Variants in SRSF7 observed in about 807,000 individuals in gnomAD.
SRSF7 encodes serine/arginine-rich splicing factor 7.
SRSF7 carries 15 observed loss-of-function variants against 42.2 expected under a neutral mutation model. That is an observed-to-expected ratio of 0.36 (90% CI 0.24 to 0.55). The LOEUF (loss-of-function observed/expected upper bound fraction) is 0.55. Ranked by LOEUF, SRSF7 falls within the 20% of genes least tolerant of loss-of-function variation. SRSF7 has a pLI of 0.88. For missense variants in SRSF7, 181 were observed against 305.9 expected (o/e 0.59, Z 3.04); for synonymous variants, 138 against 107.9 (o/e 1.28, Z -1.73).
chr2:38,748,232 G>A (rs1014613573), intron 4 of SRSF7, 75 bp from the exon 5 acceptor site: 20 of 1,112,346 alleles, frequency 1.8e-5, no homozygotes, highest in East Asian at 5.0e-5. Flanking sequence ...ACTGGGGAAC[G>A]GTGCAGTGGC....
chr2:38,747,374 T>C (rs1667607892), intron 5 of SRSF7, among the ~76,000 whole-genome samples: 1 of 152,196 alleles, frequency 6.6e-6, no homozygotes, highest in African/African-American at 2.4e-5. Flanking sequence ...CATTTAAAGG[T>C]TTTGTGCTAT....
In SRSF7 at chr2:38,746,156, G is replaced by A; in HGVS notation, c.650C>T (p.Ser217Phe). The change falls in exon 7 of 8, where the codon TCT (serine) becomes TTT (phenylalanine). Residue 217 changes from serine (S) to phenylalanine (F), a missense_variant. Physicochemically the swap from Ser to Phe is radical, Grantham distance 155. Around this residue, in one of 2 missense-constraint regions of SRSF7, gnomAD observed 136 missense variants for 147.8 expected, o/e 0.92. Coordinates refer to ENST00000313117, the MANE Select transcript of SRSF7 (RefSeq NM_001031684.3). ...ACATTTAGCTTACCTTCTTTTTGGA[G>A]ATGGAGATCTGGACTTTGATCGGCT... ...RSSRSKSRSP[S>F]PKRSRSPSGS... The A allele has an allele frequency of 6.2e-7, 1 of 1,614,100 alleles. No individual in the cohort carries two copies. Among genetic ancestry groups the A allele is most frequent in the Non-Finnish European group, 8.5e-7 (1 of 1,180,006 alleles).
At chr2:38,749,428 T>A (rs1667951890) in intron 3 of SRSF7, 101 bp downstream of exon 3, 1 of 1,563,324 alleles carries the variant, frequency 6.4e-7, no homozygotes, top group African/African-American at 1.4e-5. Flanking sequence ...ACCTGTACAA[T>A]TAACATTCAA....
Position 38,744,905 on chromosome 2 carries a change from CATTTT to C in SRSF7, c.*223_*227del. 4.4e-6 allele frequency: 2 copies of C among 454,024 alleles called. No homozygotes were observed. The highest frequency in any genetic ancestry group is 3.8e-5 in the Admixed American group (1 of 26,666). 28.1% of individuals were successfully genotyped at this position (454,024 alleles called of 1,614,324 possible). The stretch of plus-strand genomic sequence containing the variant: ...CACAAATCAAAAATCTAGTTAGAAA[CATTTT>C]ATTTAAATGTGCCAAATAAAAACCC... On this transcript the variant is annotated 3_prime_UTR_variant, in exon 8 of 8. Coordinates refer to ENST00000313117, the MANE Select transcript of SRSF7 (RefSeq NM_001031684.3).
intron 6 of SRSF7, among the ~76,000 whole-genome samples, chr2:38,746,381 A>AG (rs1287583125): frequency 6.6e-6 from 1 of 152,190 alleles, no homozygotes; most frequent in Non-Finnish European, 1.5e-5. Flanking sequence ...TTACTACATC[A>AG]TGATTAATCT....
Position 38,745,013 on chromosome 2 carries a change from C to A in SRSF7, c.*120G>T. On this transcript the variant is annotated 3_prime_UTR_variant, in exon 8 of 8. Coordinates refer to ENST00000313117, the MANE Select transcript of SRSF7 (RefSeq NM_001031684.3). ...ACTGCTGTGAATTTACATAGTAATC[C>A]AGATCCATTTTGATTAGATGGTTGA... 1 of 961,668 alleles carries A rather than the reference C, an allele frequency of 1.0e-6. No individual in the cohort carries two copies. Among genetic ancestry groups the A allele is most frequent in the Admixed American group, 2.3e-5 (1 of 44,382 alleles). 59.6% of individuals were successfully genotyped at this position (961,668 alleles called of 1,614,324 possible).
chr2:38,748,752 T>C, intron 3 of SRSF7, 99 bp from the exon 4 acceptor site: 3 of 1,350,410 alleles, frequency 2.2e-6, no homozygotes, highest in South Asian at 1.2e-5. Context: ...ACTATTTAAA[T>C]TTAGTGTCTC....
At chr2:38,745,337 AT>A in intron 7 of SRSF7, 150 bp from the exon 8 acceptor site, 1 of 813,684 alleles carries the variant, frequency 1.2e-6, no homozygotes, top group East Asian at 2.7e-5. Context: ...ACATATATTC[AT>A]CTTTTGTCCC....
Position 38,744,264 on chromosome 2 carries a change from TGAA to T in SRSF7, c.*866_*868del. The T allele has an allele frequency of 1.3e-5, 2 of 152,640 alleles. No homozygotes were observed. The highest frequency in any genetic ancestry group is 4.8e-5 in the African/African-American group (2 of 41,460). 9.5% of individuals were successfully genotyped at this position (152,640 alleles called of 1,614,324 possible). ...GAATAAGACAATCCATTTGAATAGA[TGAA>T]GAGTATCTGGGCTGGAAAATTTTGC... On this transcript the variant is annotated 3_prime_UTR_variant, in exon 8 of 8. Coordinates refer to ENST00000313117, the MANE Select transcript of SRSF7 (RefSeq NM_001031684.3).
intron 7 of SRSF7, among the ~76,000 whole-genome samples, chr2:38,745,525 G>A (rs1052736499): frequency 3.3e-5 from 5 of 151,952 alleles, no homozygotes; most frequent in Non-Finnish European, 5.9e-5. Context: ...CTTGGCGGTG[G>A]GTGCCTGTAA....
At chr2:38,746,076 G>C (rs1331325956) in intron 7 of SRSF7, 68 bp downstream of exon 7, 8 of 1,540,764 alleles carry the variant, frequency 5.2e-6, no homozygotes, top group Non-Finnish European at 7.2e-6. Context: ...CTGCAAAGCA[G>C]TAAGCAAACA....
chr2:38,748,916 G>A, intron 3 of SRSF7: 2 of 1,352,094 alleles, frequency 1.5e-6, no homozygotes, highest in Non-Finnish European at 1.9e-6. Context: ...TTTGCAGGTC[G>A]ACCCTCTTTG....
intron 4 of SRSF7, 122 bp from the exon 5 acceptor site, chr2:38,748,279 T>TA: frequency 1.3e-6 from 1 of 757,582 alleles, no homozygotes; most frequent in Non-Finnish European, 2.2e-6. Flanking sequence ...GAGGATCGTT[T>TA]GAGCCCAGGA....
At chr2:38,745,823 C>G (rs1422540064) in intron 7 of SRSF7, among the ~76,000 whole-genome samples, 1 of 152,110 alleles carries the variant, frequency 6.6e-6, no homozygotes, top group African/African-American at 2.4e-5. Flanking sequence ...GTAACTATTT[C>G]CAAGACTTTT....
Position 38,744,052 on chromosome 2 carries a change from G to A in SRSF7, c.*1081C>T. 6.6e-6 allele frequency: 1 copy of A among 152,226 alleles called. No individual in the cohort carries two copies. The highest frequency in any genetic ancestry group is 2.4e-5 in the African/African-American group (1 of 41,432). The allele number at this position is 152,226 out of a possible 1,614,324, so 9.4% of individuals were successfully genotyped here. On this transcript the variant is annotated 3_prime_UTR_variant, in exon 8 of 8. Transcript: ENST00000313117. Reference sequence around the variant, plus strand: ...TGTAACATTCTAAGGTCTACCAGATGCTACCAAAAAATATTAGCTACATGG... The same window carrying A: ...TGTAACATTCTAAGGTCTACCAGATACTACCAAAAAATATTAGCTACATGG...
intron 1 of SRSF7, 83 bp from the exon 2 acceptor site, chr2:38,750,277 C>G: frequency 1.5e-6 from 2 of 1,319,128 alleles, no homozygotes; most frequent in Non-Finnish European, 2.1e-6. Flanking sequence ...TAAAACGGGC[C>G]ATCCTCAAGA....
chr2:38,747,470 ATACTTAT>A (rs1243618234), intron 5 of SRSF7, among the ~76,000 whole-genome samples: 1 of 152,150 alleles, frequency 6.6e-6, no homozygotes, highest in African/African-American at 2.4e-5. Context: ...ACATGTTGCA[ATACTTAT>A]TTTACAATTT....
At position 38,745,157 on chromosome 2, in the gene SRSF7, A is replaced by G; in HGVS notation, c.693T>C (p.Ser231=). The G allele has an allele frequency of 6.2e-7, 1 of 1,614,178 alleles. No homozygotes were observed. Among genetic ancestry groups the G allele is most frequent in the Non-Finnish European group, 8.5e-7 (1 of 1,180,018 alleles). ...SRSPSGSPRR[S]ASPERMD ...TTCAGTCCATTCTTTCAGGACTTGC[A>G]CTTCTGCGAGGACTTCCTGATGGGG... The change falls in exon 8 of 8, where the codon AGT becomes AGC. Residue 231 remains serine (S), a synonymous_variant. Coordinates refer to ENST00000313117, the MANE Select transcript of SRSF7 (RefSeq NM_001031684.3).
In SRSF7 at chr2:38,748,163, A is replaced by G. The variant is rs1339236330; in HGVS notation, c.462-6T>C. The G allele has an allele frequency of 3.7e-6, 6 of 1,605,764 alleles. No homozygotes were observed. Among genetic ancestry groups the G allele is most frequent in the African/African-American group, 1.3e-5 (1 of 74,452 alleles). ...GAGGAGATGCTGACCTTGACCTAAA[A>G]TAAAGAACTTTAAGTCCATCTCCAC... On this transcript the variant is annotated splice_polypyrimidine_tract_variant and splice_region_variant and intron_variant, in intron 4 of 7. Transcript: ENST00000313117.
Sources: gnomAD v4.1 joint callset for allele counts (sites outside exome capture counted in the v4.1 genomes callset) on GRCh38, gnomAD v4.1.1 for gene constraint, gnomAD v4.1.1 regional missense constraint, MANE v1.5 for transcripts, NCBI Gene and HGNC (gene_info 2026-07-23, HGNC 2026-07-21) for gene names.